Variants in PAX7 observed in about 807,000 individuals in gnomAD.
PAX7 encodes paired box protein Pax-7.
A neutral mutation model predicts 50.7 loss-of-function variants in PAX7; 18 were observed. The observed-to-expected ratio is 0.36, with a 90% CI of 0.25 to 0.53. The LOEUF is 0.53. PAX7 is among the 20% of genes least tolerant of loss of function. The pLI is 0.93. For missense variants in PAX7, 644 were observed against 702.9 expected (o/e 0.92, Z 0.95); for synonymous variants, 310 against 290.4 (o/e 1.07, Z -0.69).
At chr1:18,631,709 C>G in intron 1 of PAX7, 21 bp downstream of exon 1, 2 of 1,589,662 alleles carry the variant, frequency 1.3e-6, no homozygotes, top group Non-Finnish European at 1.7e-6. Context: ...CCAGGCTGGC[C>G]TCGCCGCGAC....
intron 6 of PAX7, 87 bp from the exon 7 acceptor site, chr1:18,703,007 G>A: frequency 8.5e-7 from 1 of 1,181,286 alleles, no homozygotes; most frequent in Admixed American, 2.0e-5. Context: ...CCGGGAGGAG[G>A]AGTCTCTTGG....
At position 18,735,700 on chromosome 1, in the gene PAX7, G is replaced by A. The variant is rs545199729; in HGVS notation, c.1224G>A (p.Pro408=). 1.1e-5 allele frequency: 17 copies of A among 1,613,942 alleles called. No individual in the cohort carries two copies. Among genetic ancestry groups the A allele is most frequent in the African/African-American group, 2.7e-5 (2 of 74,922 alleles). ...PQPQADFSIS[P]LHGGLDSATS... is the part of the protein sequence containing the mutation. ...CACAGGCTGACTTCTCCATCTCCCCGCTGCATGGCGGCCTGGACTCGGCCA... is the reference window on the plus strand; with the variant it reads ...CACAGGCTGACTTCTCCATCTCCCCACTGCATGGCGGCCTGGACTCGGCCA... The change falls in exon 8 of 9, where the codon CCG becomes CCA. Residue 408 remains proline (P), a synonymous_variant. Transcript: ENST00000420770. The surrounding 1 kb of genome is among the most constrained non-coding windows in gnomAD (Gnocchi z 4.0).
At chr1:18,741,851 G>T (rs1038213092) in intron 8 of PAX7, among the ~76,000 whole-genome samples, 2 of 152,214 alleles carry the variant, frequency 1.3e-5, no homozygotes, top group Admixed American at 6.5e-5. Context: ...TGTACAAAGG[G>T]TTATTCTCTA....
intron 4 of PAX7, among the ~76,000 whole-genome samples, chr1:18,654,485 T>C (rs959087692): frequency 1.3e-5 from 2 of 152,132 alleles, no homozygotes; most frequent in African/African-American, 2.4e-5. Context: ...AAAACAAATC[T>C]GGTGCTCATG....
At chr1:18,667,468 C>A (rs1384817134) in intron 4 of PAX7, among the ~76,000 whole-genome samples, 2 of 150,768 alleles carry the variant, frequency 1.3e-5, no homozygotes, top group African/African-American at 4.9e-5. Context: ...GGTCTGCACA[C>A]ACCCCGGAGC....
intron 7 of PAX7, among the ~76,000 whole-genome samples, chr1:18,704,117 C>A (rs1009342464): frequency 6.6e-6 from 1 of 152,220 alleles, no homozygotes; most frequent in Admixed American, 6.5e-5. Context: ...CTCTGGCCCT[C>A]CCAGTGTCAG....
At chr1:18,702,624 T>C (rs1209912781) in intron 6 of PAX7, among the ~76,000 whole-genome samples, 1 of 152,168 alleles carries the variant, frequency 6.6e-6, no homozygotes, top group Non-Finnish European at 1.5e-5. Flanking sequence ...CTGGTCATCT[T>C]GTGTGAGTGC....
intron 7 of PAX7, among the ~76,000 whole-genome samples, chr1:18,721,134 G>A (rs2089487386): frequency 6.6e-6 from 1 of 152,074 alleles, no homozygotes; most frequent in South Asian, 2.1e-4. Flanking sequence ...CAGTCCAGGT[G>A]TCTGTGGCGA....
At position 18,636,129 on chromosome 1, in the gene PAX7, T is replaced by C. The variant is rs2088151211; in HGVS notation, c.452-108T>C. 2 of 1,114,136 alleles carry C rather than the reference T, an allele frequency of 1.8e-6. No homozygotes were observed. Among genetic ancestry groups the C allele is most frequent in the African/African-American group, 1.6e-5 (1 of 63,982 alleles). The allele number at this position is 1,114,136 out of a possible 1,614,324, so 69.0% of individuals were successfully genotyped here. On this transcript the variant is annotated intron_variant, in intron 3 of 8. Coordinates refer to ENST00000420770, the MANE Select transcript of PAX7 (RefSeq NM_001135254.2). The surrounding 1 kb of genome is among the most constrained non-coding windows in gnomAD (Gnocchi z 5.1). Reference sequence around the variant, plus strand: ...TGTGTGGAAGAGGGATGAATGGATATCTGTAAGGAAGCAGGGGGCTTCCTG... The same window carrying C: ...TGTGTGGAAGAGGGATGAATGGATACCTGTAAGGAAGCAGGGGGCTTCCTG...
At chr1:18,653,695 C>A (rs1033602062) in intron 4 of PAX7, among the ~76,000 whole-genome samples, 1 of 151,808 alleles carries the variant, frequency 6.6e-6, no homozygotes, top group African/African-American at 2.4e-5. Context: ...TGGTTCTGAA[C>A]GTATCTGCCC....
At chr1:18,718,887 G>A (rs1281941463) in intron 7 of PAX7, among the ~76,000 whole-genome samples, 14 of 151,988 alleles carry the variant, frequency 9.2e-5, no homozygotes, top group Non-Finnish European at 2.9e-5. Flanking sequence ...TGATCCTCCC[G>A]CCTCAGCCTC....
rs143118533 is a variant in PAX7 at position 18,692,096 on chromosome 1, C to G, written c.786+143C>G. 5 of 692,808 alleles carry G rather than the reference C, an allele frequency of 7.2e-6. No homozygotes were observed. The East Asian group carries it at 1.1e-4, about 15-fold the overall frequency. 42.9% of individuals were successfully genotyped at this position (692,808 alleles called of 1,614,324 possible). A position where few individuals can be genotyped will look rare whatever the true frequency, so the allele number is the denominator to read the frequency against. ...GGGTTGTGTAGGCAAGTAATGCCAC[C>G]AGCATTTGATGCAGAGTTAGTTGGC... On this transcript the variant is annotated intron_variant, in intron 5 of 8. Transcript: ENST00000420770.
chr1:18,739,460 C>T (rs772991325), intron 8 of PAX7, among the ~76,000 whole-genome samples: 29 of 152,226 alleles, frequency 1.9e-4, no homozygotes, highest in Non-Finnish European at 3.2e-4. Context: ...GAAGGAGGAA[C>T]GACCATTTAT....
At position 18,631,643 on chromosome 1, in the gene PAX7, C is replaced by A. The variant is rs778012759; in HGVS notation, c.40C>A (p.Pro14Thr). ...LPGTVPRMMR[P>T]APGQNYPRTG... is the part of the protein sequence containing the mutation. ...CGGCACGGTACCGAGAATGATGCGG[C>A]CGGCTCCGGGGCAGAACTACCCCCG... The change falls in exon 1 of 9, where the codon CCG becomes ACG. Residue 14 changes from proline to threonine, a missense_variant. By Grantham distance (38) the Pro-to-Thr change is conservative. Transcript: ENST00000420770. 2.5e-6 allele frequency: 4 copies of A among 1,613,072 alleles called. No homozygotes were observed. The African/African-American group carries it at 5.3e-5, about 22-fold the overall frequency.
chr1:18,700,714 C>T lies in PAX7; in HGVS notation c.848C>T (p.Ala283Val), dbSNP rs774609612. 12 of 1,602,052 alleles carry T rather than the reference C, an allele frequency of 7.5e-6. No individual in the cohort carries two copies. The highest frequency in any genetic ancestry group is 3.4e-5 in the South Asian group (3 of 89,288). The change falls in exon 6 of 9, where the codon GCG (alanine) becomes GTG (valine). Residue 283 changes from alanine (A) to valine (V), a missense_variant. Transcript: ENST00000420770. This position sits in a 1 kb window ranked among gnomAD's most constrained non-coding sequence, Gnocchi z 4.8. Reference protein sequence around the residue: ...RKQAGANQLAAFNHLLPGGFP... With the variant: ...RKQAGANQLAVFNHLLPGGFP... ...CAGGCAGGAGCCAACCAGCTGGCGG[C>T]GTTCAACCACCTTCTGCCAGGAGGC...
At position 18,748,046 on chromosome 1, in the gene PAX7, C is replaced by T. The variant is rs1931519317; in HGVS notation, c.*3117C>T. The T allele has an allele frequency of 9.6e-6, 2 of 207,598 alleles. No individual in the cohort carries two copies. Among genetic ancestry groups the T allele is most frequent in the Non-Finnish European group, 2.0e-5 (2 of 102,026 alleles). 12.9% of individuals were successfully genotyped at this position (207,598 alleles called of 1,614,324 possible). ...TATGCTTTTATACTTCCATTTTATA[C>T]TTGATTTAGCTTTGTTGTTCTTTTG... On this transcript the variant is annotated 3_prime_UTR_variant, in exon 9 of 9. Transcript: ENST00000420770.
At chr1:18,689,368 T>C (rs952561786) in intron 4 of PAX7, among the ~76,000 whole-genome samples, 3 of 151,840 alleles carry the variant, frequency 2.0e-5, no homozygotes, top group Admixed American at 6.6e-5. Context: ...CCCACTGTGG[T>C]CTCCCCACAG....
At chr1:18,697,642 A>T (rs1231109214) in intron 5 of PAX7, among the ~76,000 whole-genome samples, 8 of 152,156 alleles carry the variant, frequency 5.3e-5, no homozygotes, top group Admixed American at 5.2e-4. Flanking sequence ...GTGAGAAGGG[A>T]GGTGCCTACT....
rs778716030 is a variant in PAX7 at position 18,735,955 on chromosome 1, G to T, written c.1402+77G>T. On this transcript the variant is annotated intron_variant, in intron 8 of 8. Transcript: ENST00000420770. The surrounding 1 kb of genome is among the most constrained non-coding windows in gnomAD (Gnocchi z 4.0). ...CCAGGGCCTCCTGCTTGTTTATGGA[G>T]AGCTACAAGGTGGTGTCAGGGTGGG... The T allele has an allele frequency of 6.2e-7, 1 of 1,613,896 alleles. No individual in the cohort carries two copies. The highest frequency in any genetic ancestry group is 2.2e-5 in the East Asian group (1 of 44,866).
Sources: gnomAD v4.1 joint callset for allele counts (sites outside exome capture counted in the v4.1 genomes callset) on GRCh38, gnomAD v4.1.1 for gene constraint, Gnocchi (gnomAD v3.1) non-coding constraint, MANE v1.5 for transcripts, NCBI Gene and HGNC (gene_info 2026-07-23, HGNC 2026-07-21) for gene names.